RAD54B: variants seen among roughly 807,000 people sequenced by gnomAD.
RAD54B encodes the protein RAD54 homolog B, also known as DNA repair and recombination protein RAD54B.
RAD54B carries 78 observed loss-of-function variants against 95.8 expected under a neutral mutation model. That is an observed-to-expected ratio of 0.81 (90% CI 0.68 to 0.98). The LOEUF is 0.98. RAD54B is among the 50% of genes least tolerant of loss of function. The pLI is 0.00. For missense variants in RAD54B, 957 were observed against 1,056.6 expected, an observed-to-expected ratio of 0.91 and a Z score of 1.31; for synonymous variants, 328 against 354.9, an observed-to-expected ratio of 0.92 and a Z score of 0.85.
At chr8:94,471,102 C>T (rs1282382624) in intron 1 of RAD54B, among the ~76,000 whole-genome samples, 1 of 152,152 alleles carries the variant, frequency 6.6e-6, no homozygotes, top group Non-Finnish European at 1.5e-5. Flanking sequence ...CCTGTATATG[C>T]ACTACCCAAG....
rs115415243 is a variant in RAD54B, at chr8:94,462,664, A to T, written c.136-4228T>A. Among the ~76,000 whole-genome samples, 1,249 of 152,308 alleles carry T rather than the reference A, an allele frequency of 8.2e-3. 16 individuals are homozygous for T. Among genetic ancestry groups the T allele is most frequent in the African/African-American group, 0.027 (1,124 of 41,544 alleles). ...AATAGTTTAAAAACAAGAAGTTAAG[A>T]ATGTAACAGACAAAGTAAAAAGACG... On this transcript the variant is annotated intron_variant, in intron 2 of 14. Coordinates refer to ENST00000336148, the MANE Select transcript of RAD54B (RefSeq NM_012415.3).
At chr8:94,474,174 T>A (rs1194221553) in intron 1 of RAD54B, among the ~76,000 whole-genome samples, 3 of 152,142 alleles carry the variant, frequency 2.0e-5, no homozygotes, top group Non-Finnish European at 4.4e-5. Context: ...TGGGCATTCA[T>A]GAACATAAAG....
chr8:94,447,193 T>C (rs1442756816), intron 3 of RAD54B, among the ~76,000 whole-genome samples: 1 of 152,188 alleles, frequency 6.6e-6, no homozygotes, highest in Non-Finnish European at 1.5e-5. Flanking sequence ...TTATAAAATT[T>C]ACTCCACCCA....
rs1454890631 is a variant in RAD54B, at chr8:94,450,001, C to T, written c.304+8267G>A. Among the ~76,000 whole-genome samples, 7 of 152,210 alleles carry T rather than the reference C, an allele frequency of 4.6e-5. No homozygotes were observed. The East Asian group carries it at 1.3e-3, about 29-fold the overall frequency. Reference sequence around the variant, plus strand: ...CTTCTTCAGCAGACTGGACTACTGACTGTGTGGATCAGAAACAATGCTCAT... The same window carrying T: ...CTTCTTCAGCAGACTGGACTACTGATTGTGTGGATCAGAAACAATGCTCAT... On this transcript the variant is annotated intron_variant, in intron 3 of 14. Coordinates refer to ENST00000336148, the MANE Select transcript of RAD54B (RefSeq NM_012415.3).
chr8:94,376,611 C>T (rs1169386176), intron 14 of RAD54B, among the ~76,000 whole-genome samples: 1 of 150,614 alleles, frequency 6.6e-6, no homozygotes, highest in Non-Finnish European at 1.5e-5. Context: ...AATCTGAAAA[C>T]ATTTCTATGA....
At position 94,407,731 on chromosome 8, in the gene RAD54B, A is replaced by C; in HGVS notation, c.500-11T>G. 6.3e-7 allele frequency: 1 copy of C among 1,599,110 alleles called. No homozygotes were observed. Among genetic ancestry groups the C allele is most frequent in the African/African-American group, 1.3e-5 (1 of 74,148 alleles). On this transcript the variant is annotated splice_polypyrimidine_tract_variant and intron_variant, in intron 4 of 14. Coordinates refer to ENST00000336148, the MANE Select transcript of RAD54B (RefSeq NM_012415.3). ...ATTTATAACCAATGCCTTTAAGTTAAGAAAGAAAAAAATTAATTGACACTC... is the reference window on the plus strand; with the variant it reads ...ATTTATAACCAATGCCTTTAAGTTACGAAAGAAAAAAATTAATTGACACTC...
chr8:94,435,054 A>G (rs3136408), intron 3 of RAD54B, among the ~76,000 whole-genome samples: 14,581 of 152,060 alleles, frequency 0.096, 1,293 homozygotes, highest in African/African-American at 0.22. Flanking sequence ...ATAAAAACCT[A>G]TACCTACTAA....
At chr8:94,426,644 A>G (rs1263495586) in intron 3 of RAD54B, among the ~76,000 whole-genome samples, 1 of 152,248 alleles carries the variant, frequency 6.6e-6, no homozygotes. Flanking sequence ...GTTCTAGAAT[A>G]GGCAAAACTT....
At position 94,390,537 on chromosome 8, in the gene RAD54B, CACT is replaced by C. The variant is rs1298449683; in HGVS notation, c.1809+1069_1809+1071del. On this transcript the variant is annotated intron_variant, in intron 10 of 14. Coordinates refer to ENST00000336148, the MANE Select transcript of RAD54B (RefSeq NM_012415.3). ...AAATAAACAAATAAATAAACAGCAT[CACT>C]AAGTTTCTCCAGAATAAGATTATAT... Among the ~76,000 whole-genome samples, 11 of 148,142 alleles carry C rather than the reference CACT, an allele frequency of 7.4e-5. No homozygotes were observed. The East Asian group carries it at 1.9e-3, about 26-fold the overall frequency.
At chr8:94,383,149 T>A (rs755991181) in intron 11 of RAD54B, among the ~76,000 whole-genome samples, 2 of 151,514 alleles carry the variant, frequency 1.3e-5, no homozygotes, top group East Asian at 1.9e-4. Flanking sequence ...ATAAAAAAAA[T>A]TAGCATCCCC....
At chr8:94,385,538 G>A (rs1810867994) in intron 11 of RAD54B, among the ~76,000 whole-genome samples, 1 of 152,140 alleles carries the variant, frequency 6.6e-6, no homozygotes. Flanking sequence ...GGATGCTATG[G>A]AGTACAGAGG....
chr8:94,398,005 A>G lies in RAD54B; in HGVS notation c.1378+1409T>C, dbSNP rs530632983. On this transcript the variant is annotated intron_variant, in intron 8 of 14. Coordinates refer to ENST00000336148, the MANE Select transcript of RAD54B (RefSeq NM_012415.3). ...AATCCACTCAGCTTCTCAAACAGCC[A>G]AAGATATGAAAATCATTCAGAGTAT... Among the ~76,000 whole-genome samples the G allele has an allele frequency of 5.1e-4, 78 of 152,228 alleles. 1 individual carries two copies. The highest frequency in any genetic ancestry group is 1.9e-3 in the African/African-American group (77 of 41,566).
rs1208763792 is a variant in RAD54B, at chr8:94,391,732, C to A, written c.1686G>T (p.Leu562=). 6.2e-7 allele frequency: 1 copy of A among 1,613,922 alleles called. No individual in the cohort carries two copies. Among genetic ancestry groups the A allele is most frequent in the African/African-American group, 1.3e-5 (1 of 74,892 alleles). Residue 562 remains leucine (L), a synonymous_variant, in exon 10 of 15, where the codon CTG becomes CTT. Transcript: ENST00000336148. ...GALQIELYRK[L]LNSQVVRFCL... ...AGAACCTGACAACCTGAGAATTTAACAGCTTTCGATAAAGCTCAATCTGTA... is the reference window on the plus strand; with the variant it reads ...AGAACCTGACAACCTGAGAATTTAAAAGCTTTCGATAAAGCTCAATCTGTA...
At chr8:94,437,965 T>C (rs1424311986) in intron 3 of RAD54B, among the ~76,000 whole-genome samples, 1 of 152,188 alleles carries the variant, frequency 6.6e-6, no homozygotes, top group Non-Finnish European at 1.5e-5. Context: ...GGGAATAAAT[T>C]AGAACATACT....
chr8:94,375,328 T>C (rs951596367), intron 14 of RAD54B, among the ~76,000 whole-genome samples: 2 of 152,194 alleles, frequency 1.3e-5, no homozygotes, highest in African/African-American at 4.8e-5. Flanking sequence ...CCACGTGTTG[T>C]GGGAAGGACC....
Position 94,404,176 on chromosome 8 carries a change from G to C in RAD54B, c.845C>G (p.Pro282Arg), listed in dbSNP as rs1811327498. The stretch of plus-strand genomic sequence containing the variant: ...AGGATCAATCACTACATCCACAAGA[G>C]GGAAACAGTTCTTATTGAATACCCA... ...HQWVFNKNCF[P>R]LVDVVIDPYL... Residue 282 changes from proline to arginine, a missense_variant, in exon 6 of 15, where the codon CCT (proline) becomes CGT (arginine). Pro to Arg is a moderately radical substitution (Grantham distance 103). Coordinates refer to ENST00000336148, the MANE Select transcript of RAD54B (RefSeq NM_012415.3). 2.5e-6 allele frequency: 4 copies of C among 1,611,846 alleles called. No individual in the cohort carries two copies. Among genetic ancestry groups the C allele is most frequent in the Non-Finnish European group, 3.4e-6 (4 of 1,178,504 alleles).
At chr8:94,398,397 AGAG>A (rs1286774557) in intron 8 of RAD54B, among the ~76,000 whole-genome samples, 4 of 152,202 alleles carry the variant, frequency 2.6e-5, no homozygotes, top group Admixed American at 6.5e-5. Flanking sequence ...TAAGAACAGA[AGAG>A]GAGGAGTTTT....
chr8:94,380,081 T>A (rs1810695729), intron 12 of RAD54B, 64 bp downstream of exon 12: 4 of 1,476,344 alleles, frequency 2.7e-6, no homozygotes, highest in Non-Finnish European at 3.7e-6. Context: ...TATCTTTGTA[T>A]CCTCAATAGG....
intron 14 of RAD54B, among the ~76,000 whole-genome samples, chr8:94,377,838 T>C (rs1041985368): frequency 6.7e-6 from 1 of 148,926 alleles, no homozygotes; most frequent in African/African-American, 2.5e-5. Context: ...TAGCCGGGCG[T>C]GGTAGCGGGC....
Sources: allele counts gnomAD v4.1 joint callset (sites outside exome capture counted in the v4.1 genomes callset), GRCh38; gene constraint gnomAD v4.1.1; transcripts MANE v1.5; gene names NCBI Gene and HGNC (gene_info 2026-07-23, HGNC 2026-07-21).